Variants in CACNA1E observed in about 807,000 individuals in gnomAD.
The protein encoded by CACNA1E is calcium voltage-gated channel subunit alpha1 E.
A neutral mutation model predicts 259.2 loss-of-function variants in CACNA1E; 40 were observed. The ratio of observed to expected loss-of-function variants is 0.15; its 90% confidence interval spans 0.12 to 0.20. CACNA1E has a LOEUF of 0.20. Among genes scored for constraint, CACNA1E ranks in the 10% least tolerant of loss-of-function variants. The probability of loss-of-function intolerance (pLI) is 1.00; values close to 1 mark genes in which losing one functional copy is unlikely to be tolerated. For synonymous variants in CACNA1E, 1,104 were observed against 1,138.5 expected (o/e 0.97, Z 0.61); for missense variants, 1,874 against 3,040.1 (o/e 0.62, Z 9.02).
chr1:181,631,988 C>T (rs530940524), intron 6 of CACNA1E, among the ~76,000 whole-genome samples: 13 of 152,282 alleles, frequency 8.5e-5, no homozygotes, highest in African/African-American at 2.9e-4. Context: ...AATTAGGGCA[C>T]GAAGTGCAGG....
chr1:181,601,775 C>A (rs543922737), intron 6 of CACNA1E, among the ~76,000 whole-genome samples: 1 of 152,290 alleles, frequency 6.6e-6, no homozygotes, highest in East Asian at 1.9e-4. Context: ...CAGACCATGT[C>A]CCCGCTCTGC....
chr1:181,770,432 T>C (rs147184912), intron 35 of CACNA1E, among the ~76,000 whole-genome samples: 14 of 152,264 alleles, frequency 9.2e-5, no homozygotes, highest in Admixed American at 2.6e-4. Context: ...GATCTCTGAG[T>C]GTTCCCTCTT....
intron 6 of CACNA1E, among the ~76,000 whole-genome samples, chr1:181,636,723 G>A (rs541833892): frequency 6.6e-6 from 1 of 152,304 alleles, no homozygotes; most frequent in South Asian, 2.1e-4. Flanking sequence ...AGGAGGGAGG[G>A]GGATTGTCAG....
At chr1:181,771,157 T>C (rs919814815) in intron 35 of CACNA1E, 136 bp from the exon 36 acceptor site, 1 of 605,110 alleles carries the variant, frequency 1.7e-6, no homozygotes, top group Admixed American at 2.7e-5. Flanking sequence ...ATCCAGCAGC[T>C]CTCTGGGTCT....
At chr1:181,527,027 T>A (rs1446607074) in intron 3 of CACNA1E, among the ~76,000 whole-genome samples, 1 of 152,264 alleles carries the variant, frequency 6.6e-6, no homozygotes, top group Admixed American at 6.5e-5. Flanking sequence ...GTTGTCCTTG[T>A]ATTTTCAATC....
chr1:181,623,300 C>T (rs1655891574), intron 6 of CACNA1E, among the ~76,000 whole-genome samples: 1 of 152,086 alleles, frequency 6.6e-6, no homozygotes, highest in Admixed American at 6.5e-5. Flanking sequence ...TTAATGTACA[C>T]ATATACATAA....
At chr1:181,696,096 C>A (rs1322637155) in intron 7 of CACNA1E, among the ~76,000 whole-genome samples, 2 of 152,004 alleles carry the variant, frequency 1.3e-5, no homozygotes, top group Non-Finnish European at 2.9e-5. Flanking sequence ...ACAATGAAAT[C>A]AAAACAATTA....
chr1:181,380,754 T>C (rs1655400959), intron 1 of CACNA1E, among the ~76,000 whole-genome samples: 2 of 152,138 alleles, frequency 1.3e-5, no homozygotes, highest in African/African-American at 4.8e-5. Context: ...ATAATGGGAA[T>C]ATAAAATGAT....
intron 1 of CACNA1E, among the ~76,000 whole-genome samples, chr1:181,493,112 A>G (rs1028979732): frequency 6.6e-6 from 1 of 152,198 alleles, no homozygotes; most frequent in Non-Finnish European, 1.5e-5. Context: ...GGTTGATGCT[A>G]TAGACCTGTC....
intron 2 of CACNA1E, among the ~76,000 whole-genome samples, chr1:181,418,388 AAC>A (rs1571820369): frequency 6.6e-6 from 1 of 152,018 alleles, no homozygotes; most frequent in African/African-American, 2.4e-5. Context: ...ATCCTTACTA[AAC>A]ACTGGATGTC....
At chr1:181,341,019 T>C (rs12118685) in intron 1 of CACNA1E, among the ~76,000 whole-genome samples, 60,505 of 151,666 alleles carry the variant, frequency 0.4, 12,298 homozygotes, top group Non-Finnish European at 0.44. Context: ...AAGAAGCCCG[T>C]CTGAGATCAC....
intron 2 of CACNA1E, among the ~76,000 whole-genome samples, chr1:181,443,323 C>G (rs1660612964): frequency 6.6e-6 from 1 of 152,226 alleles, no homozygotes; most frequent in Non-Finnish European, 1.5e-5. Context: ...CTGTCTGCCT[C>G]CAGTAGATGT....
chr1:181,503,213 A>G (rs1470894135), intron 1 of CACNA1E, among the ~76,000 whole-genome samples: 1 of 152,240 alleles, frequency 6.6e-6, no homozygotes, highest in African/African-American at 2.4e-5. Context: ...CCTCCAGGAC[A>G]GATGTATCTT....
At chr1:181,470,821 G>A (rs960282908) in intron 2 of CACNA1E, among the ~76,000 whole-genome samples, 8 of 152,094 alleles carry the variant, frequency 5.3e-5, no homozygotes, top group African/African-American at 1.9e-4. Flanking sequence ...GCTCTTCTAC[G>A]CTAGGCCCTT....
chr1:181,661,094 G>GCGAGCACAAGGGAGAAGCACATT (rs1647620785), intron 7 of CACNA1E, among the ~76,000 whole-genome samples: 1 of 152,196 alleles, frequency 6.6e-6, no homozygotes, highest in Non-Finnish European at 1.5e-5. Flanking sequence ...GCGATAGTTT[G>GCGAGCACAAGGGAGAAGCACATT]CGAGCACAAG....
chr1:181,665,364 G>T (rs1648116500), intron 7 of CACNA1E, among the ~76,000 whole-genome samples: 1 of 152,132 alleles, frequency 6.6e-6, no homozygotes, highest in Non-Finnish European at 1.5e-5. Context: ...GCCATTCTCT[G>T]AATTTGCCTT....
intron 3 of CACNA1E, among the ~76,000 whole-genome samples, chr1:181,568,182 A>G (rs1650040433): frequency 6.6e-6 from 1 of 152,198 alleles, no homozygotes; most frequent in Non-Finnish European, 1.5e-5. Flanking sequence ...AGGACAGTGG[A>G]TGATTTGCTT....
chr1:181,714,374 C>T (rs937529361), intron 8 of CACNA1E, among the ~76,000 whole-genome samples: 1 of 152,176 alleles, frequency 6.6e-6, no homozygotes, highest in African/African-American at 2.4e-5. Context: ...TCTCTGGGAA[C>T]ACCACCCTCC....
intron 7 of CACNA1E, among the ~76,000 whole-genome samples, chr1:181,696,597 G>A (rs943319466): frequency 1.3e-5 from 2 of 152,134 alleles, no homozygotes; most frequent in Non-Finnish European, 2.9e-5. Flanking sequence ...TGTTGGCCTG[G>A]TGTATCTTTT....
Sources: allele counts gnomAD v4.1 joint callset (sites outside exome capture counted in the v4.1 genomes callset), GRCh38; gene constraint gnomAD v4.1.1; transcripts MANE v1.5; gene names NCBI Gene and HGNC (gene_info 2026-07-23, HGNC 2026-07-21).